Variants in KIF26B observed in about 807,000 individuals in gnomAD.
KIF26B encodes the protein kinesin-like protein KIF26B.
In KIF26B, 63 loss-of-function variants were observed where a neutral mutation model predicts 151.2. The ratio of observed to expected loss-of-function variants is 0.42; its 90% CI spans 0.34 to 0.51. The LOEUF is 0.51. Among genes scored for constraint, KIF26B ranks in the 20% least tolerant of loss-of-function variants. KIF26B has a pLI of 0.07. For missense variants in KIF26B, 2,813 were observed against 2,913.6 expected (o/e 0.97, Z 0.79); for synonymous variants, 1,357 against 1,262.1 (o/e 1.08, Z -1.59).
chr1:245,672,650 A>G (rs76764135), intron 10 of KIF26B, among the ~76,000 whole-genome samples: 2,974 of 152,234 alleles, frequency 0.02, 106 homozygotes, highest in African/African-American at 0.067. Context: ...TTGGGGCTCA[A>G]ACTTGCATAG....
chr1:245,196,812 C>T (rs1669203884), intron 2 of KIF26B, among the ~76,000 whole-genome samples: 1 of 152,194 alleles, frequency 6.6e-6, no homozygotes, highest in African/African-American at 2.4e-5. Context: ...CCGGTCACCT[C>T]AAATGGTTCC....
intron 4 of KIF26B, among the ~76,000 whole-genome samples, chr1:245,435,856 G>A (rs540569153): frequency 6.6e-6 from 1 of 152,266 alleles, no homozygotes; most frequent in Admixed American, 6.5e-5. Context: ...TCCCTAAGGT[G>A]AGCGCTTTAG....
intron 12 of KIF26B, among the ~76,000 whole-genome samples, chr1:245,696,247 GGT>G (rs2044691455): frequency 6.6e-6 from 1 of 152,112 alleles, no homozygotes; most frequent in Non-Finnish European, 1.5e-5. Context: ...TGCTTTCTTG[GGT>G]CATTCCCTCT....
At position 245,227,773 on chromosome 1, in the gene KIF26B, G is replaced by T. The variant is rs955604168; in HGVS notation, c.465+71090G>T. 2.0e-5 allele frequency among the ~76,000 whole-genome samples: 3 copies of T among 152,124 alleles called. No homozygotes were observed. Among genetic ancestry groups the T allele is most frequent in the South Asian group, 2.1e-4 (1 of 4,812 alleles). ...TCCAGCACTTTAGGAGGCTGAGGTG[G>T]GTGGATTACCTGAGGTCAGGAGTTT... On this transcript the variant is annotated intron_variant, in intron 2 of 14. Transcript: ENST00000407071. This position sits in a 1 kb window ranked among gnomAD's most constrained non-coding sequence, Gnocchi z 4.1.
intron 4 of KIF26B, among the ~76,000 whole-genome samples, chr1:245,489,385 C>A (rs546609592): frequency 2.0e-5 from 3 of 152,296 alleles, no homozygotes; most frequent in African/African-American, 7.2e-5. Context: ...GGAAGTAACT[C>A]CTATAGCTCG....
intron 5 of KIF26B, among the ~76,000 whole-genome samples, chr1:245,561,447 G>A (rs2042948357): frequency 6.6e-6 from 1 of 152,218 alleles, no homozygotes; most frequent in African/African-American, 2.4e-5. Flanking sequence ...GTCACTCTTT[G>A]TGACAAGAAC....
chr1:245,681,232 C>CAG (rs1437987923), intron 10 of KIF26B, among the ~76,000 whole-genome samples: 1 of 119,816 alleles, frequency 8.3e-6, no homozygotes, highest in Admixed American at 9.0e-5. Flanking sequence ...TTTTTTGAGA[C>CAG]AGAGTCTCGC....
At chr1:245,405,018 T>C (rs1027968551) in intron 3 of KIF26B, among the ~76,000 whole-genome samples, 4 of 152,190 alleles carry the variant, frequency 2.6e-5, no homozygotes, top group African/African-American at 9.7e-5. Context: ...AAATAGAAAA[T>C]GAAAACACAC....
At position 245,656,350 on chromosome 1, in the gene KIF26B, G is replaced by A. The variant is rs151033906; in HGVS notation, c.2258+10070G>A. On this transcript the variant is annotated intron_variant, in intron 10 of 14. Transcript: ENST00000407071. Reference sequence around the variant, plus strand: ...TGTCTTCCAAAGTTTGCCACAGTCCGTCCTCTAAATGCCTGAGTCATTCAC... The same window carrying A: ...TGTCTTCCAAAGTTTGCCACAGTCCATCCTCTAAATGCCTGAGTCATTCAC... Among the ~76,000 whole-genome samples the A allele has an allele frequency of 3.0e-4, 46 of 152,254 alleles. No individual in the cohort carries two copies. The East Asian group carries it at 6.6e-3, about 22-fold the overall frequency.
At chr1:245,605,635 C>T (rs1300768541) in intron 6 of KIF26B, among the ~76,000 whole-genome samples, 2 of 152,144 alleles carry the variant, frequency 1.3e-5, no homozygotes, top group Non-Finnish European at 2.9e-5. Context: ...GCAGGCAGAG[C>T]CTTCCTGCAG....
At chr1:245,286,075 G>A (rs1671160631) in intron 2 of KIF26B, among the ~76,000 whole-genome samples, 1 of 151,828 alleles carries the variant, frequency 6.6e-6, no homozygotes. Context: ...GAGGTTCACT[G>A]CTTCCCCCAG....
intron 2 of KIF26B, among the ~76,000 whole-genome samples, chr1:245,249,908 C>G (rs544924543): frequency 6.6e-6 from 1 of 152,294 alleles, no homozygotes; most frequent in South Asian, 2.1e-4. Flanking sequence ...CCTAGATTAT[C>G]TATAAATTGT....
chr1:245,595,325 G>C (rs2043327944), intron 5 of KIF26B, among the ~76,000 whole-genome samples: 1 of 152,074 alleles, frequency 6.6e-6, no homozygotes, highest in African/African-American at 2.4e-5. Flanking sequence ...TTATTATTTT[G>C]AGAAACGTTT....
At position 245,158,004 on chromosome 1, in the gene KIF26B, G is replaced by A. The variant is rs190945273; in HGVS notation, c.465+1321G>A. ...CACGTGGAGCTTAGATTCTAGTGGA[G>A]GATACAGATAACAACCACAAAATGC... On this transcript the variant is annotated intron_variant, in intron 2 of 14. Coordinates refer to ENST00000407071, the MANE Select transcript of KIF26B (RefSeq NM_018012.4). Among the ~76,000 whole-genome samples, 12 of 152,310 alleles carry A rather than the reference G, an allele frequency of 7.9e-5. No individual in the cohort carries two copies. In the East Asian group the frequency reaches 2.3e-3, roughly 29 times the overall value.
At chr1:245,473,854 T>C (rs1311254283) in intron 4 of KIF26B, among the ~76,000 whole-genome samples, 1 of 151,814 alleles carries the variant, frequency 6.6e-6, no homozygotes, top group African/African-American at 2.4e-5. Flanking sequence ...CAGTGGCTCC[T>C]CCTCAGTGCA....
At chr1:245,208,342 A>G (rs371974346) in intron 2 of KIF26B, among the ~76,000 whole-genome samples, 8 of 152,286 alleles carry the variant, frequency 5.3e-5, no homozygotes, top group Admixed American at 2.0e-4. Context: ...ATTTACATCT[A>G]TCTTCCCCCA....
intron 2 of KIF26B, among the ~76,000 whole-genome samples, chr1:245,220,332 A>C (rs1669739182): frequency 6.6e-6 from 1 of 152,148 alleles, no homozygotes; most frequent in South Asian, 2.1e-4. Flanking sequence ...TGGGCTTTTA[A>C]GGTAAGAATG....
At chr1:245,223,326 C>T (rs1669809753) in intron 2 of KIF26B, among the ~76,000 whole-genome samples, 1 of 152,164 alleles carries the variant, frequency 6.6e-6, no homozygotes, top group African/African-American at 2.4e-5. Flanking sequence ...AACTAGATTT[C>T]CATATTTATT....
At chr1:245,409,979 A>G (rs527763480) in intron 3 of KIF26B, among the ~76,000 whole-genome samples, 1 of 152,334 alleles carries the variant, frequency 6.6e-6, no homozygotes, top group East Asian at 1.9e-4. Flanking sequence ...CTGGAATACT[A>G]CATTATGGAA....
Sources: gnomAD v4.1 joint callset for allele counts (sites outside exome capture counted in the v4.1 genomes callset) on GRCh38, gnomAD v4.1.1 for gene constraint, Gnocchi (gnomAD v3.1) non-coding constraint, MANE v1.5 for transcripts, NCBI Gene and HGNC (gene_info 2026-07-23, HGNC 2026-07-21) for gene names.